The following FRMD4A variants were observed in gnomAD, a reference collection of about 807,000 sequenced individuals.
FRMD4A encodes FERM domain containing 4A, also known as FERM domain-containing protein 4A.
In FRMD4A, 29 loss-of-function variants were observed where a neutral mutation model predicts 129.1. The ratio of observed to expected loss-of-function variants is 0.22; its 90% CI spans 0.17 to 0.31. FRMD4A has a LOEUF of 0.31. Among genes scored for constraint, FRMD4A ranks in the 10% least tolerant of loss-of-function variants. The pLI is 1.00. For missense variants in FRMD4A, 1,272 were observed against 1,375.8 expected, an observed-to-expected ratio of 0.92 and a Z score of 1.19; for synonymous variants, 634 against 571.6, an observed-to-expected ratio of 1.11 and a Z score of -1.56.
intron 12 of FRMD4A, among the ~76,000 whole-genome samples, 200 bp downstream of exon 12, chr10:13,737,644 G>A (rs939463228): frequency 1.3e-5 from 2 of 152,004 alleles, no homozygotes; most frequent in Non-Finnish European, 1.5e-5. Context: ...GATTTCCTTA[G>A]AGACAGGGAG....
chr10:13,896,468 A>G (rs762516613), intron 2 of FRMD4A, among the ~76,000 whole-genome samples: 3 of 152,174 alleles, frequency 2.0e-5, no homozygotes, highest in Non-Finnish European at 4.4e-5. Context: ...GAGTTTAATA[A>G]TGAGAACACA....
chr10:14,299,331 G>A (rs1036248287), intron 2 of FRMD4A, among the ~76,000 whole-genome samples: 10 of 152,190 alleles, frequency 6.6e-5, no homozygotes, highest in Non-Finnish European at 8.8e-5. Context: ...ACATGGCCAC[G>A]TGGGCTGGCC....
intron 2 of FRMD4A, among the ~76,000 whole-genome samples, chr10:14,052,139 C>A (rs1359762834): frequency 6.6e-6 from 1 of 152,162 alleles, no homozygotes. Context: ...GTATGCCTGG[C>A]AACCACCAGA....
At chr10:14,227,764 T>C (rs1843495445) in intron 2 of FRMD4A, among the ~76,000 whole-genome samples, 1 of 152,226 alleles carries the variant, frequency 6.6e-6, no homozygotes, top group African/African-American at 2.4e-5. Context: ...GTCGCATCTC[T>C]AGACCCCAGA....
intron 3 of FRMD4A, among the ~76,000 whole-genome samples, chr10:13,848,484 G>T (rs2094087425): frequency 6.6e-6 from 1 of 152,076 alleles, no homozygotes; most frequent in Non-Finnish European, 1.5e-5. Context: ...AAGGGGGAGG[G>T]GGGCAGGGGC....
At chr10:13,701,596 G>T in intron 13 of FRMD4A, 118 bp from the exon 14 acceptor site, 1 of 854,024 alleles carries the variant, frequency 1.2e-6, no homozygotes, top group Non-Finnish European at 1.9e-6. Context: ...AAAGATGATA[G>T]ATGAGCTCTC....
intron 19 of FRMD4A, among the ~76,000 whole-genome samples, chr10:13,662,572 C>T (rs574646103): frequency 7.1e-4 from 108 of 152,180 alleles, no homozygotes; most frequent in African/African-American, 2.4e-3. Flanking sequence ...CTTTCTTCCC[C>T]GACGTATGGT....
At chr10:14,134,403 G>A (rs1444654494) in intron 2 of FRMD4A, among the ~76,000 whole-genome samples, 1 of 152,016 alleles carries the variant, frequency 6.6e-6, no homozygotes, top group East Asian at 1.9e-4. Flanking sequence ...ATGGGTGGAT[G>A]GATGGATGGA....
intron 2 of FRMD4A, among the ~76,000 whole-genome samples, chr10:13,938,238 G>T (rs921970995): frequency 1.4e-5 from 2 of 140,578 alleles, no homozygotes; most frequent in Non-Finnish European, 3.2e-5. Flanking sequence ...GTTGCTGTTT[G>T]TTTGTTTGTT....
At chr10:14,168,221 C>A (rs975093437) in intron 2 of FRMD4A, among the ~76,000 whole-genome samples, 2 of 152,126 alleles carry the variant, frequency 1.3e-5, no homozygotes, top group Admixed American at 6.5e-5. Context: ...GACTAACAAC[C>A]GGTTCTGGGG....
At chr10:14,285,185 G>A (rs1415359067) in intron 2 of FRMD4A, among the ~76,000 whole-genome samples, 2 of 152,302 alleles carry the variant, frequency 1.3e-5, no homozygotes, top group East Asian at 1.9e-4. Context: ...GCTTCCCAGC[G>A]TGATAAGAGT....
chr10:14,042,780 T>G (rs1833829729), intron 2 of FRMD4A, among the ~76,000 whole-genome samples: 1 of 151,794 alleles, frequency 6.6e-6, no homozygotes, highest in Non-Finnish European at 1.5e-5. Flanking sequence ...CTGGCCAATA[T>G]GGTGACACTG....
intron 17 of FRMD4A, chr10:13,668,241 A>C (rs534992322): frequency 6.6e-6 from 1 of 152,402 alleles, no homozygotes; most frequent in South Asian, 2.1e-4. Flanking sequence ...GAATATCAAC[A>C]TGGACTCCTG....
chr10:14,058,572 A>G (rs1329006049), intron 2 of FRMD4A, among the ~76,000 whole-genome samples: 1 of 152,214 alleles, frequency 6.6e-6, no homozygotes, highest in African/African-American at 2.4e-5. Flanking sequence ...CGTAAGAAGG[A>G]TAAAGATAGA....
intron 2 of FRMD4A, among the ~76,000 whole-genome samples, chr10:14,187,351 G>C (rs1283110177): frequency 1.3e-5 from 2 of 152,158 alleles, no homozygotes; most frequent in Non-Finnish European, 2.9e-5. Flanking sequence ...GTCCCAGAGA[G>C]TTCGGTTACT....
chr10:14,195,323 G>A (rs572141708), intron 2 of FRMD4A, among the ~76,000 whole-genome samples: 16 of 152,084 alleles, frequency 1.1e-4, no homozygotes, highest in African/African-American at 2.9e-4. Flanking sequence ...TTAGGAATTC[G>A]GTGGAATTTA....
chr10:13,653,560 C>G (rs1176069068), intron 23 of FRMD4A: 7 of 152,282 alleles, frequency 4.6e-5, no homozygotes. Context: ...TTGTGCTTTT[C>G]TCATGATTCA....
chr10:14,321,723 C>T (rs11259009), intron 2 of FRMD4A, among the ~76,000 whole-genome samples: 2,911 of 152,234 alleles, frequency 0.019, 71 homozygotes, highest in African/African-American at 0.06. Flanking sequence ...TGATAAGAGA[C>T]TAGAAACAGG....
chr10:14,082,477 G>A (rs977672549), intron 2 of FRMD4A, among the ~76,000 whole-genome samples: 2 of 152,126 alleles, frequency 1.3e-5, no homozygotes, highest in African/African-American at 4.8e-5. Context: ...TAGACATTGA[G>A]GATCCTGGAA....
Sources: allele counts gnomAD v4.1 joint callset (sites outside exome capture counted in the v4.1 genomes callset), GRCh38; gene constraint gnomAD v4.1.1; transcripts MANE v1.5; gene names NCBI Gene and HGNC (gene_info 2026-07-23, HGNC 2026-07-21).